Variants in AKAP6 observed in about 807,000 individuals in gnomAD.
AKAP6 encodes the protein A-kinase anchoring protein 6.
AKAP6 carries 58 observed loss-of-function variants against 188.5 expected under a neutral mutation model. The ratio of observed to expected loss-of-function variants is 0.31; its 90% CI spans 0.25 to 0.38. The LOEUF (loss-of-function observed/expected upper bound fraction) is 0.38. AKAP6 is among the 10% of genes least tolerant of loss of function. AKAP6 has a pLI of 1.00. For synonymous variants in AKAP6, 989 were observed against 998.6 expected, an observed-to-expected ratio of 0.99 and a Z score of 0.18; for missense variants, 2,710 against 2,740.0, an observed-to-expected ratio of 0.99 and a Z score of 0.24.
In AKAP6 at chr14:32,697,710, A is replaced by AT. The variant is rs147577137; in HGVS notation, c.3000+1606dup. On this transcript the variant is annotated intron_variant, in intron 9 of 13. Coordinates refer to ENST00000280979, the MANE Select transcript of AKAP6 (RefSeq NM_004274.5). ...TTTTTTATTTTGCACATAAGCCACT[A>AT]TTTTTTCAGAAACAGTGCTATTCTT... 1.1e-3 allele frequency among the ~76,000 whole-genome samples: 168 copies of AT among 152,034 alleles called. 1 individual carries two copies. Among genetic ancestry groups the AT allele is most frequent in the Non-Finnish European group, 2.0e-3 (139 of 67,984 alleles).
rs939576502 is a variant in AKAP6 at position 32,546,955 on chromosome 14, A to T, written c.2302A>T (p.Ile768Phe). 6 of 1,608,756 alleles carry T rather than the reference A, an allele frequency of 3.7e-6. No homozygotes were observed. In the African/African-American group the frequency reaches 5.3e-5, roughly 14 times the overall value. ...SALIQKLMQD[I>F]QHQDNYEAIW... ...TTTAATTCAGAAACTGATGCAAGAT[A>T]TTCAGCACCAAGACAACTATGAAGC... is the stretch of plus-strand genomic sequence containing the variant. Residue 768 changes from isoleucine to phenylalanine, a missense_variant, in exon 4 of 14, where the codon ATT becomes TTT. By Grantham distance (21) the Ile-to-Phe change is conservative. This residue lies in a region of AKAP6 where 2,473 missense variants were observed against 2,426.1 expected (regional missense o/e 1.02). Coordinates refer to ENST00000280979, the MANE Select transcript of AKAP6 (RefSeq NM_004274.5).
chr14:32,508,423 C>T (rs1880983905), intron 2 of AKAP6, among the ~76,000 whole-genome samples: 2 of 152,142 alleles, frequency 1.3e-5, no homozygotes, highest in African/African-American at 4.8e-5. Flanking sequence ...CTATGTTGAT[C>T]ATCAAAACTA....
At chr14:32,467,291 G>T (rs1475987799) in intron 2 of AKAP6, among the ~76,000 whole-genome samples, 1 of 152,016 alleles carries the variant, frequency 6.6e-6, no homozygotes, top group Non-Finnish European at 1.5e-5. Flanking sequence ...AGAATGTTAG[G>T]ATGCTTAGGA....
intron 4 of AKAP6, among the ~76,000 whole-genome samples, chr14:32,559,106 A>G (rs1293472898): frequency 6.6e-6 from 1 of 152,232 alleles, no homozygotes; most frequent in Admixed American, 6.5e-5. Flanking sequence ...AATCAATACT[A>G]TTGAATGCAT....
intron 7 of AKAP6, among the ~76,000 whole-genome samples, chr14:32,612,085 A>G (rs1886371806): frequency 6.6e-6 from 1 of 152,140 alleles, no homozygotes; most frequent in African/African-American, 2.4e-5. Flanking sequence ...TATCCTCTCA[A>G]AAGAGATTTC....
At chr14:32,589,737 AAAT>A (rs1885404453) in intron 5 of AKAP6, among the ~76,000 whole-genome samples, 2 of 152,148 alleles carry the variant, frequency 1.3e-5, no homozygotes, top group Admixed American at 6.5e-5. Flanking sequence ...TCTCTTTAGG[AAAT>A]AATGATTGTT....
At chr14:32,718,308 C>T in intron 9 of AKAP6, 6 of 985,292 alleles carry the variant, frequency 6.1e-6, no homozygotes, top group Non-Finnish European at 7.2e-6. Context: ...TCTGAGGCTG[C>T]AGCAGCAGCG....
At chr14:32,567,275 A>T (rs1320274950) in intron 4 of AKAP6, among the ~76,000 whole-genome samples, 1 of 152,192 alleles carries the variant, frequency 6.6e-6, no homozygotes, top group Admixed American at 6.5e-5. Context: ...GGGAGCTTTG[A>T]ACTAGATTAA....
chr14:32,660,609 C>A (rs568845285), intron 7 of AKAP6, among the ~76,000 whole-genome samples: 6 of 151,934 alleles, frequency 3.9e-5, no homozygotes, highest in African/African-American at 1.4e-4. Flanking sequence ...TCATTTGTTT[C>A]CCCCCAGGTT....
At chr14:32,649,871 G>A (rs564929337) in intron 7 of AKAP6, among the ~76,000 whole-genome samples, 3 of 152,210 alleles carry the variant, frequency 2.0e-5, no homozygotes, top group East Asian at 1.9e-4. Context: ...AACAAATGAC[G>A]AGAAGGCACA....
At chr14:32,716,418 G>A (rs1213616268) in intron 9 of AKAP6, among the ~76,000 whole-genome samples, 4 of 150,516 alleles carry the variant, frequency 2.7e-5, no homozygotes, top group African/African-American at 9.8e-5. Context: ...AAAGTAATTG[G>A]GATTTTGCCA....
chr14:32,352,089 G>GTATGTT, intron 1 of AKAP6, among the ~76,000 whole-genome samples: 1 of 114,178 alleles, frequency 8.8e-6, no homozygotes, highest in African/African-American at 4.3e-5. Flanking sequence ...GTGTGTGTGT[G>GTATGTT]TGTGTGTGTG....
In AKAP6 at chr14:32,416,944, G is replaced by A. The variant is rs1245426641; in HGVS notation, c.-34-16516G>A. The stretch of plus-strand genomic sequence containing the variant: ...CAACTTCCGCCTCCTGGGTTCAACC[G>A]ACTCTCATGCCTCAGCATCTCGAGT... On this transcript the variant is annotated intron_variant, in intron 1 of 13. Transcript: ENST00000280979. Among the ~76,000 whole-genome samples the A allele has an allele frequency of 2.6e-5, 4 of 152,292 alleles. 1 individual carries two copies. The highest frequency in any genetic ancestry group is 3.4e-3 in the Middle Eastern group (1 of 294).
At chr14:32,368,965 G>C (rs1013297519) in intron 1 of AKAP6, among the ~76,000 whole-genome samples, 1 of 152,082 alleles carries the variant, frequency 6.6e-6, no homozygotes, top group Non-Finnish European at 1.5e-5. Context: ...GGAGTGATGT[G>C]GTTAGAATCA....
rs867967263 is a variant in AKAP6 at position 32,831,474 on chromosome 14, G to A, written c.*1669G>A. The A allele has an allele frequency of 6.6e-6, 1 of 152,100 alleles. No homozygotes were observed. The highest frequency in any genetic ancestry group is 1.5e-5 in the Non-Finnish European group (1 of 68,014). The allele number at this position is 152,100 out of a possible 1,614,324, so 9.4% of individuals were successfully genotyped here. ...ATAATATATATCAAATTTCTAAAAG[G>A]TAAAGAATGTTGTGGGTTCATGCAG... On this transcript the variant is annotated 3_prime_UTR_variant, in exon 14 of 14. Transcript: ENST00000280979.
intron 5 of AKAP6, among the ~76,000 whole-genome samples, chr14:32,592,615 C>A (rs1344057325): frequency 1.3e-5 from 2 of 152,156 alleles, no homozygotes; most frequent in Non-Finnish European, 2.9e-5. Context: ...CCCTGTAGGT[C>A]ATGCTCAGGG....
At chr14:32,558,480 C>T (rs1181604269) in intron 4 of AKAP6, among the ~76,000 whole-genome samples, 2 of 152,036 alleles carry the variant, frequency 1.3e-5, no homozygotes, top group Admixed American at 6.6e-5. Context: ...TGATCTGGGC[C>T]TTGAATGATG....
At chr14:32,533,311 G>A (rs1882509893) in intron 2 of AKAP6, among the ~76,000 whole-genome samples, 1 of 152,000 alleles carries the variant, frequency 6.6e-6, no homozygotes, top group Admixed American at 6.5e-5. Flanking sequence ...CACCTACTGG[G>A]AAAAAAGGGT....
At chr14:32,679,456 G>A (rs1889578730) in intron 8 of AKAP6, among the ~76,000 whole-genome samples, 1 of 152,180 alleles carries the variant, frequency 6.6e-6, no homozygotes, top group Non-Finnish European at 1.5e-5. Flanking sequence ...CCTATGGGAT[G>A]TAACTCTAGC....
Sources: allele counts gnomAD v4.1 joint callset (sites outside exome capture counted in the v4.1 genomes callset), GRCh38; gene constraint gnomAD v4.1.1; regional missense constraint gnomAD v4.1.1; transcripts MANE v1.5; gene names NCBI Gene and HGNC (gene_info 2026-07-23, HGNC 2026-07-21).